The following COG7 variants were observed in gnomAD, a reference collection of about 807,000 sequenced individuals.
COG7 encodes conserved oligomeric Golgi complex subunit 7.
COG7 carries 49 observed loss-of-function variants against 91.5 expected under a neutral mutation model. The observed-to-expected ratio is 0.54, with a 90% CI of 0.43 to 0.68. The LOEUF (loss-of-function observed/expected upper bound fraction) is 0.68, where lower values mean the gene tolerates loss of function less well. COG7 is among the 30% of genes least tolerant of loss of function. The pLI is 0.00. For missense variants in COG7, 895 were observed against 961.3 expected (o/e 0.93, Z 0.91); for synonymous variants, 365 against 388.7 (o/e 0.94, Z 0.72).
intron 6 of COG7, among the ~76,000 whole-genome samples, chr16:23,425,220 G>A (rs543132337): frequency 3.3e-4 from 50 of 152,330 alleles, no homozygotes; most frequent in Non-Finnish European, 6.3e-4. Context: ...AGAGGCAGGA[G>A]AATCACTTGA....
intron 10 of COG7, among the ~76,000 whole-genome samples, chr16:23,410,783 G>A (rs1462398009): frequency 6.6e-6 from 1 of 152,118 alleles, no homozygotes; most frequent in Non-Finnish European, 1.5e-5. Flanking sequence ...TTGGCTCACT[G>A]CAACCTCTGC....
intron 9 of COG7, chr16:23,415,029 A>T (rs1043391202): frequency 1.3e-5 from 2 of 152,432 alleles, no homozygotes; most frequent in South Asian, 4.1e-4. Context: ...AAACGGCTTC[A>T]GGTCACTCCA....
intron 5 of COG7, 105 bp downstream of exon 5, chr16:23,434,531 A>G: frequency 1.2e-6 from 1 of 868,220 alleles, no homozygotes; most frequent in Non-Finnish European, 1.9e-6. Flanking sequence ...CCAGAGGGCA[A>G]GGAGACAAAT....
chr16:23,442,056 G>A, intron 4 of COG7: 1 of 181,182 alleles, frequency 5.5e-6, no homozygotes, highest in Non-Finnish European at 1.2e-5. Flanking sequence ...CTCCTGGCCG[G>A]GCGCGGTGGC....
Position 23,453,150 on chromosome 16 carries a change from C to T in COG7, c.-156G>A, listed in dbSNP as rs1964295256. 2.9e-5 allele frequency: 42 copies of T among 1,428,326 alleles called. No homozygotes were observed. The highest frequency in any genetic ancestry group is 3.7e-5 in the Non-Finnish European group (40 of 1,085,142). The allele number at this position is 1,428,326 out of a possible 1,614,324, so 88.5% of individuals were successfully genotyped here. A position where few individuals can be genotyped will look rare whatever the true frequency, so the allele number is the denominator to read the frequency against. ...CGGGTAACTTGCCCCTTTGCGCTTCCCCGCTCAGCGCACTCAGTTTGCGGC... is the reference window on the plus strand; with the variant it reads ...CGGGTAACTTGCCCCTTTGCGCTTCTCCGCTCAGCGCACTCAGTTTGCGGC... On this transcript the variant is annotated 5_prime_UTR_variant, in exon 1 of 17. Coordinates refer to ENST00000307149, the MANE Select transcript of COG7 (RefSeq NM_153603.4).
intron 1 of COG7, among the ~76,000 whole-genome samples, chr16:23,450,643 C>T (rs1169732052): frequency 6.6e-6 from 1 of 151,874 alleles, no homozygotes; most frequent in Non-Finnish European, 1.5e-5. Flanking sequence ...GCCTGGACAA[C>T]ATAGTGAGAC....
intron 4 of COG7, 119 bp downstream of exon 4, chr16:23,442,358 A>C: frequency 1.1e-6 from 1 of 923,448 alleles, no homozygotes; most frequent in Non-Finnish European, 1.7e-6. Context: ...AAAAAATTAC[A>C]GAGTTCCTTC....
intron 10 of COG7, chr16:23,413,235 A>T (rs1434572435): frequency 7.8e-6 from 4 of 512,508 alleles, no homozygotes; most frequent in Non-Finnish European, 1.4e-5. Flanking sequence ...ACTTTTAAAA[A>T]TATCTTAAGA....
intron 12 of COG7, 104 bp from the exon 13 acceptor site, chr16:23,403,938 G>T: frequency 7.2e-7 from 1 of 1,387,846 alleles, no homozygotes; most frequent in Non-Finnish European, 1.0e-6. Context: ...GGGGTTCTAT[G>T]CAATAGTGGT....
In COG7 at chr16:23,452,806, C is replaced by G; in HGVS notation, c.169+20G>C. 6.2e-7 allele frequency: 1 copy of G among 1,604,748 alleles called. No homozygotes were observed. The highest frequency in any genetic ancestry group is 8.5e-7 in the Non-Finnish European group (1 of 1,176,556). On this transcript the variant is annotated intron_variant, in intron 1 of 16. Coordinates refer to ENST00000307149, the MANE Select transcript of COG7 (RefSeq NM_153603.4). ...CGAGAGCAGGGGAGGGTCCCGCGGC[C>G]AGGGCCCCGAGCGGCTCACCCTCCA...
At chr16:23,399,067 T>C (rs1173961050) in intron 13 of COG7, among the ~76,000 whole-genome samples, 1 of 152,166 alleles carries the variant, frequency 6.6e-6, no homozygotes, top group Non-Finnish European at 1.5e-5. Context: ...CCGGCGGTCA[T>C]GTAGGAACTG....
chr16:23,423,815 A>C, intron 7 of COG7, among the ~76,000 whole-genome samples: 1 of 152,248 alleles, frequency 6.6e-6, no homozygotes, highest in East Asian at 1.9e-4. Context: ...GTGTTCTTTA[A>C]AAATTTATAA....
chr16:23,450,916 G>A (rs563371553), intron 1 of COG7, among the ~76,000 whole-genome samples: 87 of 152,198 alleles, frequency 5.7e-4, no homozygotes, highest in Non-Finnish European at 7.8e-4. Flanking sequence ...ACATCTGGCC[G>A]GGCACAGTGG....
chr16:23,422,119 G>A (rs1394783488), intron 7 of COG7, among the ~76,000 whole-genome samples: 1 of 152,046 alleles, frequency 6.6e-6, no homozygotes, highest in Non-Finnish European at 1.5e-5. Flanking sequence ...AGATCAGCCT[G>A]AGCAAAATAG....
intron 11 of COG7, among the ~76,000 whole-genome samples, chr16:23,407,790 C>T (rs1963486897): frequency 6.6e-6 from 1 of 151,974 alleles, no homozygotes; most frequent in Non-Finnish European, 1.5e-5. Context: ...CTTCGGGGGA[C>T]AGTTCAATGA....
rs531043401 is a variant in COG7 at position 23,410,488 on chromosome 16, G to A, written c.1410-128C>T. 2.0e-4 allele frequency: 157 copies of A among 769,420 alleles called. 3 individuals carry two copies. Among genetic ancestry groups the A allele is most frequent in the South Asian group, 1.7e-3 (115 of 68,236 alleles). The allele number at this position is 769,420 out of a possible 1,614,324, so 47.7% of individuals were successfully genotyped here. ...GGGTAGTTCTGGTTCTGGGAAAGCCGTTAAACATCTGCTGGCCTGAAATGT... is the reference window on the plus strand; with the variant it reads ...GGGTAGTTCTGGTTCTGGGAAAGCCATTAAACATCTGCTGGCCTGAAATGT... On this transcript the variant is annotated intron_variant, in intron 10 of 16. Transcript: ENST00000307149.
chr16:23,441,066 GA>G (rs201001732), intron 4 of COG7, among the ~76,000 whole-genome samples: 6 of 150,160 alleles, frequency 4.0e-5, no homozygotes, highest in East Asian at 3.9e-4. Flanking sequence ...AAATAAAACA[GA>G]AAAAAAAAAT....
chr16:23,413,455 A>C lies in COG7; in HGVS notation c.1402T>G (p.Ser468Ala). 6.5e-7 allele frequency: 1 copy of C among 1,549,050 alleles called. No homozygotes were observed. Residue 468 changes from serine to alanine, a missense_variant, in exon 10 of 17, where the codon TCC (serine) becomes GCC (alanine). By Grantham distance (99) the Ser-to-Ala change is moderately conservative. Coordinates refer to ENST00000307149, the MANE Select transcript of COG7 (RefSeq NM_153603.4). Reference protein sequence around the residue: ...FQEDWTAFQNSIRIIATCGEL... With the variant: ...FQEDWTAFQNAIRIIATCGEL... The stretch of plus-strand genomic sequence containing the variant: ...TTACAACCCCCGGTTTACCTAATGG[A>C]GTTCTGAAAAGCCGTCCAATCTTCC...
intron 1 of COG7, chr16:23,446,445 CTTTTTTTTTT>C (rs34254755): frequency 6.2e-5 from 7 of 112,828 alleles, no homozygotes; most frequent in East Asian, 5.5e-4. Context: ...TTTCCATGGT[CTTTTTTTTTT>C]TTTTTTTTTT....
Sources: gnomAD v4.1 joint callset for allele counts (sites outside exome capture counted in the v4.1 genomes callset) on GRCh38, gnomAD v4.1.1 for gene constraint, MANE v1.5 for transcripts, NCBI Gene and HGNC (gene_info 2026-07-23, HGNC 2026-07-21) for gene names.